SH2D1B: variants seen among roughly 807,000 people sequenced by gnomAD.
SH2D1B encodes SH2 domain-containing protein 1B.
SH2D1B carries 11 observed loss-of-function variants against 16.3 expected under a neutral mutation model. The ratio of observed to expected loss-of-function variants is 0.67; its 90% CI spans 0.42 to 1.11. The LOEUF (loss-of-function observed/expected upper bound fraction) is 1.11. Among genes scored for constraint, SH2D1B ranks in the 50% most tolerant of loss-of-function variants. The pLI, the probability that SH2D1B is intolerant of heterozygous loss-of-function variation, is 0.00. For synonymous variants in SH2D1B, 55 were observed against 56.1 expected, an observed-to-expected ratio of 0.98 and a Z score of 0.09; for missense variants, 123 against 153.1, an observed-to-expected ratio of 0.80 and a Z score of 1.04.
intron 2 of SH2D1B, 43 bp downstream of exon 2, chr1:162,402,696 C>G (rs1046929355): frequency 6.5e-7 from 1 of 1,548,514 alleles, no homozygotes; most frequent in Non-Finnish European, 8.9e-7. Flanking sequence ...TTCTTCTCCC[C>G]CAACTTTTGT....
In SH2D1B at chr1:162,401,028, C is replaced by T. The variant is rs748105773; in HGVS notation, c.198+1711G>A. On this transcript the variant is annotated intron_variant, in intron 2 of 3. Coordinates refer to ENST00000367929, the MANE Select transcript of SH2D1B (RefSeq NM_053282.5). ...ATCGTCACTGTGGTTTTCATATGGC[C>T]ACCAAGTCAGACTAGAGAAAGGGGT... 5.1e-4 allele frequency among the ~76,000 whole-genome samples: 78 copies of T among 152,138 alleles called. 2 individuals carry two copies. The highest frequency in any genetic ancestry group is 1.0e-4 in the Non-Finnish European group (7 of 68,018).
At position 162,402,240 on chromosome 1, in the gene SH2D1B, C is replaced by T. The variant is rs546064394; in HGVS notation, c.198+499G>A. ...TTCAAAAGTAGAACCCAGCTGGGTG[C>T]GGTGGCTCACGCCTGTAATCCCAGC... is the stretch of plus-strand genomic sequence containing the variant. On this transcript the variant is annotated intron_variant, in intron 2 of 3. Transcript: ENST00000367929. Among the ~76,000 whole-genome samples the T allele has an allele frequency of 4.1e-3, 574 of 141,600 alleles. 12 individuals carry two copies. Among genetic ancestry groups the T allele is most frequent in the Non-Finnish European group, 3.0e-3 (190 of 63,118 alleles). 92.9% of individuals were successfully genotyped at this position (141,600 alleles called of 152,430 possible). A position where few individuals can be genotyped will look rare whatever the true frequency, so the allele number is the denominator to read the frequency against.
intron 1 of SH2D1B, among the ~76,000 whole-genome samples, chr1:162,409,682 G>A (rs1283963233): frequency 7.2e-5 from 11 of 152,086 alleles, no homozygotes; most frequent in Non-Finnish European, 1.2e-4. Flanking sequence ...GGGTTCAAGC[G>A]ATTCTCATGC....
In SH2D1B at chr1:162,397,149, TCA is replaced by T; in HGVS notation, c.*129_*130del. The T allele has an allele frequency of 2.1e-6, 2 of 951,902 alleles. No homozygotes were observed. Among genetic ancestry groups the T allele is most frequent in the Non-Finnish European group, 3.3e-6 (2 of 611,464 alleles). The allele number at this position is 951,902 out of a possible 1,614,324, so 59.0% of individuals were successfully genotyped here. A position where few individuals can be genotyped will look rare whatever the true frequency, so the allele number is the denominator to read the frequency against. ...TCTGGTGCTGGTGGGCAGAACATCT[TCA>T]GTTACACAACCAGGAGAGTCTGAAT... On this transcript the variant is annotated 3_prime_UTR_variant, in exon 4 of 4. Coordinates refer to ENST00000367929, the MANE Select transcript of SH2D1B (RefSeq NM_053282.5).
intron 3 of SH2D1B, among the ~76,000 whole-genome samples, chr1:162,398,706 T>C (rs1255112236): frequency 6.6e-6 from 1 of 152,204 alleles, no homozygotes; most frequent in Non-Finnish European, 1.5e-5. Context: ...GAACCACTCT[T>C]GCTATCCTGG....
intron 1 of SH2D1B, among the ~76,000 whole-genome samples, chr1:162,409,266 A>G (rs1648738295): frequency 6.6e-6 from 1 of 152,104 alleles, no homozygotes; most frequent in Admixed American, 6.5e-5. Context: ...CCAGAGACAC[A>G]ACAGTTTCTG....
Position 162,397,171 on chromosome 1 carries a change from C to T in SH2D1B, c.*109G>A, listed in dbSNP as rs1648397835. The T allele has an allele frequency of 1.7e-6, 2 of 1,205,932 alleles. No homozygotes were observed. Among genetic ancestry groups the T allele is most frequent in the Non-Finnish European group, 2.4e-6 (2 of 819,786 alleles). The allele number at this position is 1,205,932 out of a possible 1,614,324, so 74.7% of individuals were successfully genotyped here. A position where few individuals can be genotyped will look rare whatever the true frequency, so the allele number is the denominator to read the frequency against. ...TCTTCAGTTACACAACCAGGAGAGT[C>T]TGAATTGTCCACTAGAGTTTGGTGC... On this transcript the variant is annotated 3_prime_UTR_variant, in exon 4 of 4. Coordinates refer to ENST00000367929, the MANE Select transcript of SH2D1B (RefSeq NM_053282.5).
chr1:162,411,908 G>T lies in SH2D1B; in HGVS notation c.109C>A (p.Pro37Thr), dbSNP rs764870037. 6.2e-7 allele frequency: 1 copy of T among 1,614,054 alleles called. No individual in the cohort carries two copies. The highest frequency in any genetic ancestry group is 1.3e-5 in the African/African-American group (1 of 74,912). Reference protein sequence around the residue: ...NFLLRDSESIPGVLCLCVSFK... With the variant: ...NFLLRDSESITGVLCLCVSFK... ...GAGACACAGAGGCACAGGACTCCTG[G>T]TATCGACTCGCTGTCTCTTAAAAGA... The change falls in exon 1 of 4, where the codon CCA (proline) becomes ACA (threonine). Residue 37 changes from proline to threonine, a missense_variant. By Grantham distance (38) the Pro-to-Thr change is conservative. Coordinates refer to ENST00000367929, the MANE Select transcript of SH2D1B (RefSeq NM_053282.5).
At chr1:162,407,135 G>T (rs952744130) in intron 1 of SH2D1B, among the ~76,000 whole-genome samples, 1 of 152,168 alleles carries the variant, frequency 6.6e-6, no homozygotes, top group Non-Finnish European at 1.5e-5. Context: ...ATTTAGCTCT[G>T]TGAAAGTCCT....
At chr1:162,400,310 G>C (rs1280070915) in intron 2 of SH2D1B, among the ~76,000 whole-genome samples, 1 of 15,654 alleles carries the variant, frequency 6.4e-5, no homozygotes, top group East Asian at 2.0e-3. Context: ...TTTTTTTTTT[G>C]AGACGGAGTC....
chr1:162,401,080 C>T lies in SH2D1B; in HGVS notation c.198+1659G>A, dbSNP rs180807208. Among the ~76,000 whole-genome samples, 23 of 152,282 alleles carry T rather than the reference C, an allele frequency of 1.5e-4. No individual in the cohort carries two copies. The East Asian group carries it at 2.5e-3, about 17-fold the overall frequency. The stretch of plus-strand genomic sequence containing the variant: ...GGTGATCAGAAGGTTTTCTGATATG[C>T]GCCTGATTAACCTCTGTATTAGAGG... On this transcript the variant is annotated intron_variant, in intron 2 of 3. Coordinates refer to ENST00000367929, the MANE Select transcript of SH2D1B (RefSeq NM_053282.5).
At chr1:162,408,750 T>A (rs1017195740) in intron 1 of SH2D1B, among the ~76,000 whole-genome samples, 5 of 151,950 alleles carry the variant, frequency 3.3e-5, no homozygotes, top group African/African-American at 4.8e-5. Flanking sequence ...TTGCTTTAGA[T>A]GAATATGCAA....
At chr1:162,401,204 C>A (rs1648508987) in intron 2 of SH2D1B, among the ~76,000 whole-genome samples, 1 of 152,160 alleles carries the variant, frequency 6.6e-6, no homozygotes, top group Non-Finnish European at 1.5e-5. Context: ...AGCTGCTCCC[C>A]AGTGAAACGC....
At chr1:162,401,594 G>A (rs908541867) in intron 2 of SH2D1B, among the ~76,000 whole-genome samples, 2 of 151,898 alleles carry the variant, frequency 1.3e-5, no homozygotes, top group Non-Finnish European at 1.5e-5. Context: ...TTCTTCAAAA[G>A]TAAGGATATT....
At chr1:162,408,198 A>G (rs930210626) in intron 1 of SH2D1B, among the ~76,000 whole-genome samples, 3 of 152,186 alleles carry the variant, frequency 2.0e-5, no homozygotes, top group African/African-American at 7.2e-5. Flanking sequence ...ACTTATCTGT[A>G]TGATAATACA....
At chr1:162,410,542 A>G (rs1648768774) in intron 1 of SH2D1B, among the ~76,000 whole-genome samples, 1 of 152,214 alleles carries the variant, frequency 6.6e-6, no homozygotes, top group Non-Finnish European at 1.5e-5. Flanking sequence ...AACATACATA[A>G]AGATAGGAGG....
At chr1:162,406,028 A>C (rs1327317694) in intron 1 of SH2D1B, among the ~76,000 whole-genome samples, 2 of 152,208 alleles carry the variant, frequency 1.3e-5, no homozygotes, top group African/African-American at 4.8e-5. Context: ...CTATAATATC[A>C]ACAATGTGTT....
Position 162,407,017 on chromosome 1 carries a change from C to T in SH2D1B, c.135-4215G>A, listed in dbSNP as rs138240373. Among the ~76,000 whole-genome samples the T allele has an allele frequency of 4.0e-3, 615 of 152,356 alleles. 4 individuals are homozygous for T. Among genetic ancestry groups the T allele is most frequent in the Middle Eastern group, 6.8e-3 (2 of 294 alleles). On this transcript the variant is annotated intron_variant, in intron 1 of 3. Coordinates refer to ENST00000367929, the MANE Select transcript of SH2D1B (RefSeq NM_053282.5). ...AAGATCAGAAAACATTTCCTGTCCACAGTTACCACATAGCTTTCTGGTTAG... is the reference window on the plus strand; with the variant it reads ...AAGATCAGAAAACATTTCCTGTCCATAGTTACCACATAGCTTTCTGGTTAG...
In SH2D1B at chr1:162,397,231, G is replaced by A. The variant is rs1245323164; in HGVS notation, c.*49C>T. On this transcript the variant is annotated 3_prime_UTR_variant, in exon 4 of 4. Transcript: ENST00000367929. ...ATGCCTGCAGAAGTGGGTCATCAGT[G>A]AGAACTGTTACTCATCTCTTCAACT... The A allele has an allele frequency of 6.2e-7, 1 of 1,607,332 alleles. No individual in the cohort carries two copies. The highest frequency in any genetic ancestry group is 8.5e-7 in the Non-Finnish European group (1 of 1,174,160).
Sources: allele counts gnomAD v4.1 joint callset (sites outside exome capture counted in the v4.1 genomes callset), GRCh38; gene constraint gnomAD v4.1.1; transcripts MANE v1.5; gene names NCBI Gene and HGNC (gene_info 2026-07-23, HGNC 2026-07-21).